The following ADAMTS3 variants were observed in gnomAD, a reference collection of about 807,000 sequenced individuals.
ADAMTS3 encodes ADAM metallopeptidase with thrombospondin type 1 motif 3.
Under a neutral mutation model 129.0 loss-of-function variants are expected in ADAMTS3, and 73 were observed. That is an observed-to-expected ratio of 0.57 (90% CI 0.47 to 0.69). The LOEUF (loss-of-function observed/expected upper bound fraction) is 0.69, where lower values mean the gene tolerates loss of function less well. ADAMTS3 is among the 30% of genes least tolerant of loss of function. The pLI is 0.00. For missense variants in ADAMTS3, 1,457 were observed against 1,514.5 expected, an observed-to-expected ratio of 0.96 and a Z score of 0.63; for synonymous variants, 477 against 510.8, an observed-to-expected ratio of 0.93 and a Z score of 0.89.
intron 4 of ADAMTS3, among the ~76,000 whole-genome samples, chr4:72,413,969 A>C (rs1357622909): frequency 6.6e-6 from 1 of 151,926 alleles, no homozygotes; most frequent in Non-Finnish European, 1.5e-5. Flanking sequence ...TGAAAATCAA[A>C]CTAATGACTA....
chr4:72,381,528 G>C (rs887095493), intron 4 of ADAMTS3, among the ~76,000 whole-genome samples: 2 of 152,110 alleles, frequency 1.3e-5, no homozygotes, highest in African/African-American at 4.8e-5. Context: ...ATGTATGCCT[G>C]CTCCTAACGT....
chr4:72,379,405 T>A (rs1458139961), intron 4 of ADAMTS3, among the ~76,000 whole-genome samples: 1 of 149,554 alleles, frequency 6.7e-6, no homozygotes, highest in Admixed American at 6.7e-5. Flanking sequence ...ATTTTCCTTT[T>A]AACAAATAAT....
chr4:72,482,258 T>C (rs1007671965), intron 3 of ADAMTS3, among the ~76,000 whole-genome samples: 1 of 152,112 alleles, frequency 6.6e-6, no homozygotes, highest in African/African-American at 2.4e-5. Context: ...AACAACCTGA[T>C]GTCTTTCAAT....
intron 2 of ADAMTS3, among the ~76,000 whole-genome samples, chr4:72,551,453 A>G (rs778927139): frequency 2.0e-5 from 3 of 152,180 alleles, no homozygotes; most frequent in Non-Finnish European, 4.4e-5. Flanking sequence ...ATGCTAAATA[A>G]TAAATCATTC....
At chr4:72,295,874 T>C in intron 18 of ADAMTS3, 88 bp from the exon 19 acceptor site, 3 of 1,476,398 alleles carry the variant, frequency 2.0e-6, no homozygotes, top group East Asian at 2.3e-5. Flanking sequence ...CATACATTTA[T>C]TCATCCATTC....
At chr4:72,543,664 G>T (rs1721392025) in intron 3 of ADAMTS3, among the ~76,000 whole-genome samples, 1 of 152,084 alleles carries the variant, frequency 6.6e-6, no homozygotes, top group Non-Finnish European at 1.5e-5. Context: ...ATTTAGAGAA[G>T]TCAAAATTGT....
At chr4:72,556,762 A>T (rs1721778377) in intron 2 of ADAMTS3, among the ~76,000 whole-genome samples, 1 of 151,774 alleles carries the variant, frequency 6.6e-6, no homozygotes, top group South Asian at 2.1e-4. Flanking sequence ...ATGGGGACCA[A>T]ATGAAGTGAA....
Position 72,282,485 on chromosome 4 carries a change from G to A in ADAMTS3, c.*651C>T, listed in dbSNP as rs1718377258. 6.6e-6 allele frequency: 1 copy of A among 152,406 alleles called. No individual in the cohort carries two copies. Among genetic ancestry groups the A allele is most frequent in the Non-Finnish European group, 1.5e-5 (1 of 68,000 alleles). The allele number at this position is 152,406 out of a possible 1,614,324, so 9.4% of individuals were successfully genotyped here. On this transcript the variant is annotated 3_prime_UTR_variant, in exon 22 of 22. Transcript: ENST00000286657. The stretch of plus-strand genomic sequence containing the variant: ...AACAAAACCCTTTATATTGTCAGTA[G>A]CTGTAATTCTAACTTCTCTTTTGTA...
chr4:72,538,246 C>T (rs576702584), intron 3 of ADAMTS3, among the ~76,000 whole-genome samples: 2 of 152,072 alleles, frequency 1.3e-5, no homozygotes, highest in South Asian at 4.1e-4. Context: ...TGGAAAATTG[C>T]CAAATTTGAT....
Position 72,409,985 on chromosome 4 carries a change from G to GATGT in ADAMTS3, c.661+4829_661+4830insACAT, listed in dbSNP as rs1553912960. 5.3e-5 allele frequency among the ~76,000 whole-genome samples: 8 copies of GATGT among 151,572 alleles called. No homozygotes were observed. The East Asian group carries it at 1.6e-3, about 30-fold the overall frequency. ...TTACCCAAAATAATGATTGCTACTT[G>GATGT]ATCTTAGTAATTTAGTAATATTATG... On this transcript the variant is annotated intron_variant, in intron 4 of 21. Coordinates refer to ENST00000286657, the MANE Select transcript of ADAMTS3 (RefSeq NM_014243.3).
Position 72,414,914 on chromosome 4 carries a change from T to A in ADAMTS3, c.562A>T (p.Lys188Ter), listed in dbSNP as rs1722266732. ...CTTCCTTTTTCTTCCTCCATCTGTT[T>A]ACCTCTTTCCAAGGGTTCAATGAAA... ...EYFIEPLERGKQMEEEKGRIH... is the reference protein window; with the variant it reads ...EYFIEPLERG The change falls in exon 4 of 22, where the codon AAA becomes TAA. Residue 188 changes from lysine (K) to a stop codon, truncating the protein, a stop_gained. Coordinates refer to ENST00000286657, the MANE Select transcript of ADAMTS3 (RefSeq NM_014243.3). LOFTEE classifies it high-confidence loss of function. The A allele has an allele frequency of 6.3e-7, 1 of 1,584,222 alleles. No individual in the cohort carries two copies. Among genetic ancestry groups the A allele is most frequent in the Admixed American group, 1.8e-5 (1 of 54,820 alleles).
intron 3 of ADAMTS3, among the ~76,000 whole-genome samples, chr4:72,457,739 A>G (rs780128603): frequency 6.6e-6 from 1 of 151,708 alleles, no homozygotes; most frequent in Non-Finnish European, 1.5e-5. Context: ...GTTGTTTACT[A>G]CATGATACTG....
chr4:72,536,294 A>G (rs1351336961), intron 3 of ADAMTS3, among the ~76,000 whole-genome samples: 2 of 152,192 alleles, frequency 1.3e-5, no homozygotes, highest in Non-Finnish European at 2.9e-5. Flanking sequence ...CCCTCAGGGA[A>G]GATGATGTTA....
At chr4:72,455,070 CAT>C (rs927815040) in intron 3 of ADAMTS3, among the ~76,000 whole-genome samples, 11 of 151,672 alleles carry the variant, frequency 7.3e-5, no homozygotes, top group South Asian at 2.1e-4. Context: ...ACTATATGCA[CAT>C]GTTTTATGCA....
Position 72,425,826 on chromosome 4 carries a change from T to G in ADAMTS3, c.505-10855A>C, listed in dbSNP as rs528224935. On this transcript the variant is annotated intron_variant, in intron 3 of 21. Coordinates refer to ENST00000286657, the MANE Select transcript of ADAMTS3 (RefSeq NM_014243.3). ...CATGTGTCTTTATAGCAGCATGATT[T>G]ATAGTCCTTTGGGTATATACCCAGT... is the stretch of plus-strand genomic sequence containing the variant. Among the ~76,000 whole-genome samples the G allele has an allele frequency of 5.5e-3, 832 of 151,948 alleles. 3 individuals are homozygous for G. Among genetic ancestry groups the G allele is most frequent in the Non-Finnish European group, 9.4e-3 (638 of 67,974 alleles).
At chr4:72,297,757 A>G in intron 18 of ADAMTS3, among the ~76,000 whole-genome samples, 1 of 152,112 alleles carries the variant, frequency 6.6e-6, no homozygotes, top group East Asian at 1.9e-4. Flanking sequence ...TACCACTTTA[A>G]CAGAGATAAC....
chr4:72,556,393 A>G (rs985253721), intron 2 of ADAMTS3, among the ~76,000 whole-genome samples: 17 of 151,860 alleles, frequency 1.1e-4, no homozygotes, highest in Non-Finnish European at 1.8e-4. Context: ...GATGTCCCCA[A>G]TACATTGCAA....
At chr4:72,420,496 A>G (rs762521788) in intron 3 of ADAMTS3, among the ~76,000 whole-genome samples, 6 of 152,136 alleles carry the variant, frequency 3.9e-5, no homozygotes, top group Non-Finnish European at 5.9e-5. Context: ...CAGCACCCCA[A>G]GCCTCTTTCT....
intron 4 of ADAMTS3, among the ~76,000 whole-genome samples, chr4:72,374,563 T>C (rs532512037): frequency 5.6e-4 from 86 of 152,282 alleles, no homozygotes; most frequent in Non-Finnish European, 9.6e-4. Context: ...AATATGAAAA[T>C]AAACCCTTCC....
Sources: allele counts gnomAD v4.1 joint callset (sites outside exome capture counted in the v4.1 genomes callset), GRCh38; gene constraint gnomAD v4.1.1; transcripts MANE v1.5; gene names NCBI Gene and HGNC (gene_info 2026-07-23, HGNC 2026-07-21).